RIIAD1: variants seen among roughly 807,000 people sequenced by gnomAD.
RIIAD1 encodes regulatory subunit of type II PKA R-subunit domain containing 1.
RIIAD1 carries 15 observed loss-of-function variants against 13.3 expected under a neutral mutation model. That is an observed-to-expected ratio of 1.13 (90% CI 0.76 to 1.74). The LOEUF (loss-of-function observed/expected upper bound fraction) is 1.74. Ranked by LOEUF, RIIAD1 falls within the 40% of genes most tolerant of loss-of-function variation. The pLI, the probability that RIIAD1 is intolerant of heterozygous loss-of-function variation, is 0.00. For missense variants in RIIAD1, 121 were observed against 112.2 expected, an observed-to-expected ratio of 1.08 and a Z score of -0.35; for synonymous variants, 50 against 43.3, an observed-to-expected ratio of 1.16 and a Z score of -0.61.
chr1:151,716,174 G>T, intron 4 of RIIAD1: 2 of 717,180 alleles, frequency 2.8e-6, no homozygotes, highest in Non-Finnish European at 4.4e-6. Context: ...CAGAGGGGCG[G>T]CTCTTCACAC....
intron 3 of RIIAD1, among the ~76,000 whole-genome samples, chr1:151,713,770 G>A (rs1399341053): frequency 1.3e-5 from 2 of 152,220 alleles, no homozygotes; most frequent in African/African-American, 4.8e-5. Flanking sequence ...GATCTTTGGT[G>A]GGCGTGGGGG....
upstream of RIIAD1, chr1:151,719,646 T>C (rs1673699900): frequency 1.4e-6 from 1 of 702,866 alleles, no homozygotes; most frequent in African/African-American, 1.7e-5. Flanking sequence ...GAATTGATTC[T>C]ATAACCTTCC....
intron 4 of RIIAD1, among the ~76,000 whole-genome samples, chr1:151,715,340 C>G (rs916522120): frequency 6.6e-6 from 1 of 152,132 alleles, no homozygotes; most frequent in Non-Finnish European, 1.5e-5. Context: ...AAGCCTCCCA[C>G]ACTTTCCAGA....
At chr1:151,718,672 C>T (rs868360), upstream of RIIAD1, among the ~76,000 whole-genome samples, 14,624 of 152,174 alleles carry the variant, frequency 0.096, 767 homozygotes, top group South Asian at 0.13. Context: ...CATGGATGCC[C>T]GGGTCCCCCA....
At chr1:151,725,643 T>C (rs1251290553) in intron 2 of RIIAD1, among the ~76,000 whole-genome samples, 1 of 152,130 alleles carries the variant, frequency 6.6e-6, no homozygotes, top group Non-Finnish European at 1.5e-5. Flanking sequence ...TATCCTGACT[T>C]CTACTAGCAC....
At chr1:151,715,549 T>G in intron 4 of RIIAD1, 1 of 1,229,098 alleles carries the variant, frequency 8.1e-7, no homozygotes, top group Non-Finnish European at 1.1e-6. Context: ...CCTACCCAGC[T>G]GCTTATCTCC....
upstream of RIIAD1, among the ~76,000 whole-genome samples, chr1:151,718,742 G>C (rs559199209): frequency 1.6e-4 from 24 of 152,272 alleles, no homozygotes; most frequent in Non-Finnish European, 2.9e-4. Flanking sequence ...TCAGTGGTGG[G>C]TGCTCAGAAG....
chr1:151,722,011 C>T, intron 1 of RIIAD1, 75 bp from the exon 2 acceptor site: 1 of 1,048,278 alleles, frequency 9.5e-7, no homozygotes, highest in Non-Finnish European at 1.4e-6. Flanking sequence ...CCGTTTCCCG[C>T]AGCCCTTCAC....
chr1:151,714,739 A>T, intron 4 of RIIAD1: 1 of 1,182,782 alleles, frequency 8.5e-7, no homozygotes, highest in Non-Finnish European at 1.2e-6. Flanking sequence ...CCCTCTCTGA[A>T]AGGCTCCCTT....
In RIIAD1 at chr1:151,724,410, A is replaced by G. The variant is rs569790210; in HGVS notation, c.161+2248A>G. Among the ~76,000 whole-genome samples, 16 of 152,310 alleles carry G rather than the reference A, an allele frequency of 1.1e-4. No homozygotes were observed. The South Asian group carries it at 3.1e-3, about 30-fold the overall frequency. On this transcript the variant is annotated intron_variant, in intron 2 of 4. Transcript: ENST00000479191. ...TTGATTGGTACCGGGATGAACCAGA[A>G]TCAGCTTCTGTCCCTGCTGGCCACC... is the stretch of plus-strand genomic sequence containing the variant.
At chr1:151,724,129 C>T (rs1673787071) in intron 2 of RIIAD1, among the ~76,000 whole-genome samples, 1 of 152,220 alleles carries the variant, frequency 6.6e-6, no homozygotes, top group African/African-American at 2.4e-5. Context: ...TTGATTCTCT[C>T]TTTGTCCAGG....
At chr1:151,716,348 C>T (rs1475765013) in intron 4 of RIIAD1, 10 of 315,508 alleles carry the variant, frequency 3.2e-5, no homozygotes, top group East Asian at 6.0e-5. Context: ...AGGTGGTAGC[C>T]GGGGGTGCTA....
rs776056154 is a variant in RIIAD1 at position 151,715,865 on chromosome 1, C to T, written c.21+1336C>T. 19 of 1,608,614 alleles carry T rather than the reference C, an allele frequency of 1.2e-5. No individual in the cohort carries two copies. Among genetic ancestry groups the T allele is most frequent in the Middle Eastern group, 1.7e-4 (1 of 6,060 alleles). On this transcript the variant is annotated intron_variant, in intron 4 of 8. Coordinates refer to the RIIAD1 transcript ENST00000326413. The stretch of plus-strand genomic sequence containing the variant: ...CACCCCGAAGCCTCTTCAGCCTGCC[C>T]GACCCCTCACCCTTGTGCAGCCCGG...
chr1:151,716,571 G>C (rs550089895), upstream of RIIAD1: 13 of 343,554 alleles, frequency 3.8e-5, no homozygotes, highest in African/African-American at 2.8e-4. Flanking sequence ...CCTTCTGCTG[G>C]GTCCGAAGAT....
At chr1:151,712,739 G>C (rs1673126491) in intron 2 of RIIAD1, among the ~76,000 whole-genome samples, 1 of 152,216 alleles carries the variant, frequency 6.6e-6, no homozygotes, top group Admixed American at 6.5e-5. Context: ...TATCACCCTA[G>C]TATGGTAGCA....
chr1:151,711,678 C>G (rs558858001), intron 1 of RIIAD1, among the ~76,000 whole-genome samples: 1 of 152,210 alleles, frequency 6.6e-6, no homozygotes, highest in East Asian at 1.9e-4. Flanking sequence ...CTCCTGTGCT[C>G]TAGCCAAAGC....
chr1:151,720,824 C>A (rs1673722690), upstream of RIIAD1, among the ~76,000 whole-genome samples: 1 of 152,208 alleles, frequency 6.6e-6, no homozygotes, highest in Non-Finnish European at 1.5e-5. Context: ...GTTTCACTTT[C>A]TCTTCTTAAT....
intron 3 of RIIAD1, among the ~76,000 whole-genome samples, chr1:151,728,025 C>G (rs916357192): frequency 6.6e-6 from 1 of 152,112 alleles, no homozygotes; most frequent in Non-Finnish European, 1.5e-5. Context: ...GCCCAGCATA[C>G]ATAGCTTTAA....
At chr1:151,719,382 C>A (rs1271376946), upstream of RIIAD1, among the ~76,000 whole-genome samples, 1 of 152,148 alleles carries the variant, frequency 6.6e-6, no homozygotes, top group African/African-American at 2.4e-5. Flanking sequence ...CAAGCTCACC[C>A]TCTTTTTTAT....
Sources: allele counts gnomAD v4.1 joint callset (sites outside exome capture counted in the v4.1 genomes callset), GRCh38; gene constraint gnomAD v4.1.1; transcripts MANE v1.5; gene names NCBI Gene and HGNC (gene_info 2026-07-23, HGNC 2026-07-21).